Variants in DYNC1I2 observed in about 807,000 individuals in gnomAD.
The protein encoded by DYNC1I2 is cytoplasmic dynein 1 intermediate chain 2.
A neutral mutation model predicts 88.6 loss-of-function variants in DYNC1I2; 53 were observed. The ratio of observed to expected loss-of-function variants is 0.60; its 90% CI spans 0.48 to 0.75. The LOEUF is 0.75. Among genes scored for constraint, DYNC1I2 ranks in the 30% least tolerant of loss-of-function variants. DYNC1I2 has a pLI of 0.00. For synonymous variants in DYNC1I2, 198 were observed against 254.6 expected (o/e 0.78, Z 2.12); for missense variants, 458 against 766.6 (o/e 0.60, Z 4.75).
intron 4 of DYNC1I2, chr2:171,706,996 G>A: frequency 2.0e-6 from 1 of 506,000 alleles, no homozygotes; most frequent in Non-Finnish European, 3.5e-6. Context: ...CACATTTGGT[G>A]ATGGATGAGA....
intron 15 of DYNC1I2, among the ~76,000 whole-genome samples, chr2:171,737,844 C>A (rs1689119910): frequency 6.6e-6 from 1 of 151,710 alleles, no homozygotes; most frequent in Non-Finnish European, 1.5e-5. Context: ...GGTACGTTTG[C>A]AGGTTTGTTA....
At position 171,693,039 on chromosome 2, in the gene DYNC1I2, T is replaced by A. The variant is rs1685507524; in HGVS notation, c.226+145T>A. Reference sequence around the variant, plus strand: ...AATCTTTTATTTGGAATTGTCTTTTTTTCAGATATGCTAGTACATGGTTAT... The same window carrying A: ...AATCTTTTATTTGGAATTGTCTTTTATTCAGATATGCTAGTACATGGTTAT... On this transcript the variant is annotated intron_variant, in intron 3 of 17. Coordinates refer to ENST00000397119, the MANE Select transcript of DYNC1I2 (RefSeq NM_001378.3). The A allele has an allele frequency of 1.6e-5, 11 of 685,004 alleles. No homozygotes were observed. In the East Asian group the frequency reaches 3.1e-4, roughly 19 times the overall value. The allele number at this position is 685,004 out of a possible 1,614,324, so 42.4% of individuals were successfully genotyped here.
chr2:171,702,171 T>G (rs78936959), intron 3 of DYNC1I2, among the ~76,000 whole-genome samples: 2,241 of 152,280 alleles, frequency 0.015, 35 homozygotes, highest in Non-Finnish European at 0.025. Context: ...GGTTGGCTGT[T>G]CCTTCCCAGA....
At position 171,729,714 on chromosome 2, in the gene DYNC1I2, C is replaced by G. The variant is rs1688483386; in HGVS notation, c.1397C>G (p.Ala466Gly). The G allele has an allele frequency of 6.2e-7, 1 of 1,612,198 alleles. No individual in the cohort carries two copies. Among genetic ancestry groups the G allele is most frequent in the African/African-American group, 1.3e-5 (1 of 74,858 alleles). The change falls in exon 15 of 18, where the codon GCT (alanine) becomes GGT (glycine). Residue 466 changes from alanine to glycine, a missense_variant. Around this residue, in one of 5 missense-constraint regions of DYNC1I2, gnomAD observed 188 missense variants for 300.4 expected, o/e 0.63. Transcript: ENST00000397119. Reference protein sequence around the residue: ...VYTACRHGSKAGISEMFEGHQ... With the variant: ...VYTACRHGSKGGISEMFEGHQ... The stretch of plus-strand genomic sequence containing the variant: ...TTTCACTTTTATGAAATTAGCAAAG[C>G]TGGAATCAGTGAGATGTTTGAGGGG...
chr2:171,728,489 A>G (rs1688392099), intron 13 of DYNC1I2, 71 bp downstream of exon 13: 1 of 969,840 alleles, frequency 1.0e-6, no homozygotes. Context: ...ACCTCAACTT[A>G]TGTTTCTCAT....
At position 171,690,831 on chromosome 2, in the gene DYNC1I2, T is replaced by A. The variant is rs182075309; in HGVS notation, c.108+568T>A. On this transcript the variant is annotated intron_variant, in intron 2 of 17. Coordinates refer to ENST00000397119, the MANE Select transcript of DYNC1I2 (RefSeq NM_001378.3). The stretch of plus-strand genomic sequence containing the variant: ...CACTATGCTAGGCTAATTTTTGTAT[T>A]TTTTTGTAGAGACGAGGTTTTGCCA... 2.8e-3 allele frequency among the ~76,000 whole-genome samples: 424 copies of A among 152,054 alleles called. 2 individuals carry two copies. Among genetic ancestry groups the A allele is most frequent in the African/African-American group, 9.2e-3 (382 of 41,508 alleles).
chr2:171,744,289 T>G, intron 16 of DYNC1I2, 100 bp downstream of exon 16: 2 of 1,264,334 alleles, frequency 1.6e-6, no homozygotes, highest in Non-Finnish European at 2.1e-6. Context: ...TGTAAAAGGG[T>G]TCTGTGATTG....
intron 15 of DYNC1I2, among the ~76,000 whole-genome samples, chr2:171,738,091 G>A (rs1689140356): frequency 6.6e-6 from 1 of 152,032 alleles, no homozygotes; most frequent in South Asian, 2.1e-4. Context: ...CAGCACTTTG[G>A]GAGGCCGAGG....
Position 171,729,621 on chromosome 2 carries a change from G to T in DYNC1I2, c.1392-88G>T, listed in dbSNP as rs886129584. ...TTAAGTCTGTCAAAATGAAGTCAAG[G>T]CCTGATATATAAACCTATAATAAAA... On this transcript the variant is annotated intron_variant, in intron 14 of 17. Coordinates refer to ENST00000397119, the MANE Select transcript of DYNC1I2 (RefSeq NM_001378.3). 9 of 1,395,088 alleles carry T rather than the reference G, an allele frequency of 6.5e-6. No homozygotes were observed. In the Admixed American group the frequency reaches 1.4e-4, roughly 22 times the overall value. The allele number at this position is 1,395,088 out of a possible 1,614,324, so 86.4% of individuals were successfully genotyped here. A position where few individuals can be genotyped will look rare whatever the true frequency, so the allele number is the denominator to read the frequency against.
chr2:171,747,501 A>G (rs1326917280), intron 17 of DYNC1I2, among the ~76,000 whole-genome samples: 1 of 152,146 alleles, frequency 6.6e-6, no homozygotes, highest in Non-Finnish European at 1.5e-5. Flanking sequence ...GATGGTGCAT[A>G]GGAGTTATAT....
At chr2:171,712,744 A>G (rs762265683) in intron 5 of DYNC1I2, 23 bp from the exon 6 acceptor site, 1 of 1,601,608 alleles carries the variant, frequency 6.2e-7, no homozygotes, top group Non-Finnish European at 8.5e-7. Context: ...CTAATGCTTC[A>G]TGGTTGTCCT....
At chr2:171,688,664 T>G (rs1254153420) in intron 1 of DYNC1I2, 1 of 152,196 alleles carries the variant, frequency 6.6e-6, no homozygotes, top group Non-Finnish European at 1.5e-5. Flanking sequence ...CTATGTCAAC[T>G]TTTCATCCTT....
Position 171,749,023 on chromosome 2 carries a change from G to GT in DYNC1I2, c.*1135dup, listed in dbSNP as rs532549871. ...TCCCAACCTTTTGTACTTCTGAAGT[G>GT]TAACTGTCTTTTATTCAACAGAACA... On this transcript the variant is annotated 3_prime_UTR_variant, in exon 18 of 18. Transcript: ENST00000397119. 3.5e-4 allele frequency among the ~76,000 whole-genome samples: 52 copies of GT among 149,904 alleles called. No homozygotes were observed. Among genetic ancestry groups the GT allele is most frequent in the African/African-American group, 1.3e-3 (52 of 41,454 alleles).
At position 171,710,120 on chromosome 2, in the gene DYNC1I2, TATACAC is replaced by T. The variant is rs1269031872; in HGVS notation, c.336-2645_336-2640del. On this transcript the variant is annotated intron_variant, in intron 5 of 17. Transcript: ENST00000397119. ...CTGAGTATATTCATTTTTATGTATA[TATACAC>T]ACACACACACACACACACACACACA... 6.5e-3 allele frequency among the ~76,000 whole-genome samples: 618 copies of T among 95,760 alleles called. 5 individuals are homozygous for T. The highest frequency in any genetic ancestry group is 0.02 in the African/African-American group (442 of 22,556). The allele number at this position is 95,760 out of a possible 152,430, so 62.8% of individuals were successfully genotyped here.
At chr2:171,732,557 C>A (rs979998752) in intron 15 of DYNC1I2, among the ~76,000 whole-genome samples, 2 of 152,140 alleles carry the variant, frequency 1.3e-5, no homozygotes, top group Non-Finnish European at 2.9e-5. Flanking sequence ...TTTTGCTTAA[C>A]GTCACAGTTT....
chr2:171,712,777 T>G lies in DYNC1I2; in HGVS notation c.346T>G (p.Trp116Gly). The G allele has an allele frequency of 1.2e-6, 2 of 1,613,476 alleles. No homozygotes were observed. The highest frequency in any genetic ancestry group is 8.5e-7 in the Non-Finnish European group (1 of 1,179,564). ...CCTACAACCATTTAGGACGCTGCAT[T>G]GGGATACAGATCCATCAGTTCTTCA... ...DGAVGSRTLH[W>G]DTDPSVLQLH... Residue 116 changes from tryptophan to glycine, a missense_variant, in exon 6 of 18, where the codon TGG becomes GGG. Transcript: ENST00000397119.
chr2:171,699,591 AGTGTGTGTGTGTGTGT>A (rs3223500), intron 3 of DYNC1I2, among the ~76,000 whole-genome samples: 21 of 137,822 alleles, frequency 1.5e-4, no homozygotes, highest in South Asian at 1.5e-3. Flanking sequence ...CATCATTTGG[AGTGTGTGTGTGTGTGT>A]GTGTGTGTGT....
At position 171,744,071 on chromosome 2, in the gene DYNC1I2, T is replaced by G; in HGVS notation, c.1559T>G (p.Phe520Cys). 1 of 1,611,814 alleles carries G rather than the reference T, an allele frequency of 6.2e-7. No individual in the cohort carries two copies. The highest frequency in any genetic ancestry group is 8.5e-7 in the Non-Finnish European group (1 of 1,179,440). The change falls in exon 16 of 18, where the codon TTT (phenylalanine) becomes TGT (cysteine). Residue 520 changes from phenylalanine (F) to cysteine (C), a missense_variant. Physicochemically the swap from Phe to Cys is radical, Grantham distance 205. Transcript: ENST00000397119. ...TTKNNKPLYS[F>C]EDNADYVYDV... Reference sequence around the variant, plus strand: ...CAGAATAACAAGCCTTTGTATTCATTTGAAGATAATGCAGACTATGTTTAT... The same window carrying G: ...CAGAATAACAAGCCTTTGTATTCATGTGAAGATAATGCAGACTATGTTTAT...
intron 6 of DYNC1I2, among the ~76,000 whole-genome samples, chr2:171,713,692 T>C (rs936153798): frequency 6.6e-6 from 1 of 152,154 alleles, no homozygotes; most frequent in South Asian, 2.1e-4. Flanking sequence ...CAGATAGCCC[T>C]TTTCCCCTGA....
Sources: allele counts gnomAD v4.1 joint callset (sites outside exome capture counted in the v4.1 genomes callset), GRCh38; gene constraint gnomAD v4.1.1; regional missense constraint gnomAD v4.1.1; transcripts MANE v1.5; gene names NCBI Gene and HGNC (gene_info 2026-07-23, HGNC 2026-07-21).